Variants in NRXN3 observed in about 807,000 individuals in gnomAD.
NRXN3 encodes the protein neurexin 3.
Under a neutral mutation model 137.6 loss-of-function variants are expected in NRXN3, and 32 were observed. The ratio of observed to expected loss-of-function variants is 0.23; its 90% CI spans 0.18 to 0.31. The LOEUF (loss-of-function observed/expected upper bound fraction) is 0.31. Among genes scored for constraint, NRXN3 ranks in the 10% least tolerant of loss-of-function variants. The pLI, the probability that NRXN3 is intolerant of heterozygous loss-of-function variation, is 1.00. For missense variants in NRXN3, 1,574 were observed against 2,062.5 expected (o/e 0.76, Z 4.59); for synonymous variants, 798 against 784.5 (o/e 1.02, Z -0.29).
chr14:78,849,987 C>G (rs964822735), intron 10 of NRXN3, among the ~76,000 whole-genome samples: 3 of 152,112 alleles, frequency 2.0e-5, no homozygotes, highest in Non-Finnish European at 4.4e-5. Context: ...TGATGTACCA[C>G]ATATGGAGAA....
intron 15 of NRXN3, among the ~76,000 whole-genome samples, chr14:79,303,769 T>C (rs758014303): frequency 5.3e-5 from 8 of 152,052 alleles, no homozygotes; most frequent in Admixed American, 1.3e-4. Context: ...TGGGCAGCAC[T>C]GTATCCAGTA....
intron 4 of NRXN3, among the ~76,000 whole-genome samples, chr14:78,506,796 A>T (rs1027472572): frequency 6.6e-6 from 1 of 151,876 alleles, no homozygotes; most frequent in African/African-American, 2.4e-5. Flanking sequence ...CAGTCTCCCA[A>T]GTGGCTAGGA....
chr14:79,090,005 G>A (rs967181105), intron 15 of NRXN3, among the ~76,000 whole-genome samples: 1 of 152,106 alleles, frequency 6.6e-6, no homozygotes, highest in Non-Finnish European at 1.5e-5. Flanking sequence ...CTTCCTTGAG[G>A]CCTCTAAACT....
At chr14:79,560,879 A>G (rs914426606) in intron 16 of NRXN3, among the ~76,000 whole-genome samples, 2 of 152,072 alleles carry the variant, frequency 1.3e-5, no homozygotes, top group Admixed American at 1.3e-4. Context: ...CAAAGAACTT[A>G]AAGTGTTCCA....
At chr14:79,845,999 A>G (rs1303242145) in intron 20 of NRXN3, among the ~76,000 whole-genome samples, 1 of 152,134 alleles carries the variant, frequency 6.6e-6, no homozygotes, top group Non-Finnish European at 1.5e-5. Flanking sequence ...CACAGACAAT[A>G]TTAAGTTCAC....
intron 15 of NRXN3, among the ~76,000 whole-genome samples, chr14:79,213,744 C>G (rs2068062322): frequency 6.6e-6 from 1 of 152,006 alleles, no homozygotes; most frequent in Non-Finnish European, 1.5e-5. Flanking sequence ...AACTCTTTGC[C>G]CTCTAGCACA....
At chr14:78,826,608 A>G (rs891031071) in intron 10 of NRXN3, among the ~76,000 whole-genome samples, 2 of 152,212 alleles carry the variant, frequency 1.3e-5, no homozygotes, top group Non-Finnish European at 2.9e-5. Context: ...AGGTAATAAT[A>G]TTATCTGAAT....
At chr14:78,310,385 A>C (rs1019786304) in intron 4 of NRXN3, among the ~76,000 whole-genome samples, 6 of 151,408 alleles carry the variant, frequency 4.0e-5, no homozygotes, top group African/African-American at 1.2e-4. Context: ...CGCAGTGCAC[A>C]GCTGAGGACT....
chr14:78,582,426 T>G (rs2097010654), intron 4 of NRXN3, among the ~76,000 whole-genome samples: 1 of 152,222 alleles, frequency 6.6e-6, no homozygotes, highest in African/African-American at 2.4e-5. Context: ...TACTGTGGTT[T>G]GAATATCCCC....
intron 4 of NRXN3, among the ~76,000 whole-genome samples, chr14:78,321,233 TG>T (rs2153558853): frequency 6.6e-6 from 1 of 152,192 alleles, no homozygotes; most frequent in East Asian, 1.9e-4. Context: ...CTCTTTCCAG[TG>T]TCTCGTGCAT....
At chr14:78,897,644 A>G (rs1044339229) in intron 10 of NRXN3, among the ~76,000 whole-genome samples, 1 of 151,882 alleles carries the variant, frequency 6.6e-6, no homozygotes, top group East Asian at 1.9e-4. Context: ...CTATTTTCAC[A>G]GACTCCTCCA....
chr14:79,529,723 A>G (rs1415158704), intron 16 of NRXN3, among the ~76,000 whole-genome samples: 1 of 152,216 alleles, frequency 6.6e-6, no homozygotes, highest in Non-Finnish European at 1.5e-5. Flanking sequence ...TTGTTGTTAA[A>G]TATTTGTAGA....
At chr14:78,660,135 T>G (rs1376309911) in intron 6 of NRXN3, among the ~76,000 whole-genome samples, 2 of 151,986 alleles carry the variant, frequency 1.3e-5, no homozygotes, top group Admixed American at 6.6e-5. Context: ...GTCTCAAAGA[T>G]CTTTGGTGTT....
rs2095429922 is a variant in NRXN3, at chr14:79,412,412, A to G, written c.3263-54809A>G. On this transcript the variant is annotated intron_variant, in intron 15 of 20. Transcript: ENST00000335750. ...TGGTCAAAGAAGCTATGTTTGTCAT[A>G]GGCACTAGAGGAAGGGATAGAAAGA... Among the ~76,000 whole-genome samples the G allele has an allele frequency of 2.6e-5, 4 of 152,210 alleles. No homozygotes were observed. The South Asian group carries it at 8.3e-4, about 32-fold the overall frequency.
At chr14:78,251,282 AC>A (rs1596374697) in intron 2 of NRXN3, among the ~76,000 whole-genome samples, 1 of 152,290 alleles carries the variant, frequency 6.6e-6, no homozygotes, top group Non-Finnish European at 1.5e-5. Flanking sequence ...GTAAAAAAAA[AC>A]AATCTTTCTC....
chr14:79,480,145 T>G lies in NRXN3; in HGVS notation c.3444+12743T>G, dbSNP rs1001341788. 7.9e-5 allele frequency among the ~76,000 whole-genome samples: 12 copies of G among 152,168 alleles called. 1 individual carries two copies. The highest frequency in any genetic ancestry group is 8.8e-5 in the Non-Finnish European group (6 of 68,012). ...CCTGTCATCCCTTGGTCTGTTAGCT[T>G]CTAATGTCTAGCAGCAGAGTATAGT... is the stretch of plus-strand genomic sequence containing the variant. On this transcript the variant is annotated intron_variant, in intron 16 of 20. Coordinates refer to ENST00000335750, the MANE Select transcript of NRXN3 (RefSeq NM_001330195.2).
intron 15 of NRXN3, among the ~76,000 whole-genome samples, chr14:79,350,342 C>T (rs1388104878): frequency 6.6e-6 from 1 of 152,078 alleles, no homozygotes; most frequent in African/African-American, 2.4e-5. Context: ...GTTAAGTAAG[C>T]CAAGGGTGAG....
chr14:78,982,705 T>A (rs903911334), intron 14 of NRXN3, among the ~76,000 whole-genome samples: 11 of 152,080 alleles, frequency 7.2e-5, no homozygotes, highest in African/African-American at 2.2e-4. Flanking sequence ...GAAGAAAACG[T>A]ACAGGAAGTG....
chr14:78,401,061 G>T (rs2092000346), intron 4 of NRXN3, among the ~76,000 whole-genome samples: 1 of 152,188 alleles, frequency 6.6e-6, no homozygotes, highest in African/African-American at 2.4e-5. Context: ...ATCCTCTGGA[G>T]GTGACAAATG....
Sources: gnomAD v4.1 joint callset for allele counts (sites outside exome capture counted in the v4.1 genomes callset) on GRCh38, gnomAD v4.1.1 for gene constraint, MANE v1.5 for transcripts, NCBI Gene and HGNC (gene_info 2026-07-23, HGNC 2026-07-21) for gene names.